Variants in CDH26 observed in about 807,000 individuals in gnomAD.
CDH26 encodes the protein cadherin-like protein 26.
Under a neutral mutation model 90.3 loss-of-function variants are expected in CDH26, and 83 were observed. The ratio of observed to expected loss-of-function variants is 0.92; its 90% CI spans 0.77 to 1.10. The LOEUF (loss-of-function observed/expected upper bound fraction) is 1.10, where lower values mean the gene tolerates loss of function less well. CDH26 is among the 50% of genes least tolerant of loss of function. The probability of loss-of-function intolerance (pLI) is 0.00; values close to 1 mark genes in which losing one functional copy is unlikely to be tolerated. For missense variants in CDH26, 1,013 were observed against 1,037.6 expected (o/e 0.98, Z 0.33); for synonymous variants, 397 against 396.3 (o/e 1.00, Z -0.02).
rs572972446 is a variant in CDH26, at chr20:60,006,791, G to T, written c.2295+4G>T. On this transcript the variant is annotated splice_donor_region_variant and intron_variant, in intron 17 of 17. Coordinates refer to ENST00000348616, the MANE Select transcript of CDH26 (RefSeq NM_177980.4). ...GATGGCAGAGACATTGAATCAGGTA[G>T]GGAGAGCTCCCCTTGTGCTGTGCAC... The T allele has an allele frequency of 1.2e-6, 2 of 1,611,960 alleles. No individual in the cohort carries two copies. Among genetic ancestry groups the T allele is most frequent in the Non-Finnish European group, 8.5e-7 (1 of 1,178,138 alleles).
chr20:59,983,070 G>A lies in CDH26; in HGVS notation c.541G>A (p.Gly181Arg), dbSNP rs6071059. The change falls in exon 5 of 18, where the codon GGG becomes AGG. Residue 181 changes from glycine to arginine, a missense_variant and splice_region_variant. Physicochemically the swap from Gly to Arg is moderately radical, Grantham distance 125 (BLOSUM62 -2). Transcript: ENST00000348616. ...NITVQENQSA[G>R]QPIFQMLAVD... is the part of the protein sequence containing the mutation. ...CACTGTGCAAGAAAACCAATCTGCAGGTGTGTGCGGCTGGGGGGCTGCCGG... is the reference window on the plus strand; with the variant it reads ...CACTGTGCAAGAAAACCAATCTGCAAGTGTGTGCGGCTGGGGGGCTGCCGG... The A allele has an allele frequency of 6.2e-7, 1 of 1,613,850 alleles. No individual in the cohort carries two copies. Among genetic ancestry groups the A allele is most frequent in the Non-Finnish European group, 8.5e-7 (1 of 1,179,860 alleles).
chr20:59,987,436 A>G lies in CDH26; in HGVS notation c.838-17A>G. 1 of 1,596,278 alleles carries G rather than the reference A, an allele frequency of 6.3e-7. No homozygotes were observed. The highest frequency in any genetic ancestry group is 8.5e-7 in the Non-Finnish European group (1 of 1,171,416). ...TTTTTGTTTCCATGACATGGACATG[A>G]TGATTGCTTCTTTCAGTATAAGGTT... On this transcript the variant is annotated splice_polypyrimidine_tract_variant and intron_variant, in intron 7 of 17. Transcript: ENST00000348616.
At chr20:59,996,215 A>T (rs771635782) in intron 12 of CDH26, 161 bp downstream of exon 12, 139 of 967,920 alleles carry the variant, frequency 1.4e-4, no homozygotes, top group Non-Finnish European at 2.0e-4. Flanking sequence ...TGTAGATCAG[A>T]GGTTGCCATG....
intron 17 of CDH26, among the ~76,000 whole-genome samples, chr20:60,010,799 G>T (rs142176540): frequency 1.3e-5 from 2 of 151,740 alleles, no homozygotes; most frequent in African/African-American, 4.9e-5. Flanking sequence ...GGCTTAATGC[G>T]CAGAGCAGGC....
In CDH26 at chr20:60,012,805, T is replaced by C; in HGVS notation, c.*75T>C. 1 of 1,431,868 alleles carries C rather than the reference T, an allele frequency of 7.0e-7. No homozygotes were observed. Among genetic ancestry groups the C allele is most frequent in the Non-Finnish European group, 9.6e-7 (1 of 1,039,846 alleles). 88.7% of individuals were successfully genotyped at this position (1,431,868 alleles called of 1,614,324 possible). ...CTATTCAGGGATTTTTCCCCTTTGCTCTTCTTTTCCCTCCTTAAAAGAAAA... is the reference window on the plus strand; with the variant it reads ...CTATTCAGGGATTTTTCCCCTTTGCCCTTCTTTTCCCTCCTTAAAAGAAAA... On this transcript the variant is annotated 3_prime_UTR_variant, in exon 18 of 18. Transcript: ENST00000348616.
intron 5 of CDH26, among the ~76,000 whole-genome samples, chr20:59,983,290 G>T (rs1334422380): frequency 6.6e-6 from 1 of 152,138 alleles, no homozygotes; most frequent in African/African-American, 2.4e-5. Flanking sequence ...CAGTGGGAAG[G>T]GTTGATATGT....
At chr20:59,970,053 A>G in intron 2 of CDH26, 29 bp from the exon 3 acceptor site, 1 of 1,605,206 alleles carries the variant, frequency 6.2e-7, no homozygotes, top group South Asian at 1.1e-5. Context: ...TGCCATCCTC[A>G]TTGTCACCAG....
intron 1 of CDH26, among the ~76,000 whole-genome samples, chr20:59,967,460 T>A (rs775960847): frequency 6.6e-6 from 1 of 152,244 alleles, no homozygotes; most frequent in Non-Finnish European, 1.5e-5. Flanking sequence ...GCAAGAATCT[T>A]AGTGCTAAAT....
In CDH26 at chr20:59,992,775, CA is replaced by C. The variant is rs546297498; in HGVS notation, c.1426+256del. On this transcript the variant is annotated intron_variant, in intron 10 of 17. Coordinates refer to ENST00000348616, the MANE Select transcript of CDH26 (RefSeq NM_177980.4). This position sits in a 1 kb window ranked among gnomAD's most constrained non-coding sequence, Gnocchi z 5.0. ...GCAAGGAGGCTGCAATCAAACCCAG[CA>C]TCTTTTTCATCTGTTCATGAGCTAA... is the stretch of plus-strand genomic sequence containing the variant. Among the ~76,000 whole-genome samples, 430 of 152,286 alleles carry C rather than the reference CA, an allele frequency of 2.8e-3. 4 individuals are homozygous for C. The highest frequency in any genetic ancestry group is 9.4e-3 in the African/African-American group (391 of 41,558).
intron 1 of CDH26, among the ~76,000 whole-genome samples, chr20:59,959,640 T>A (rs2061042420): frequency 6.6e-6 from 1 of 152,168 alleles, no homozygotes; most frequent in African/African-American, 2.4e-5. Context: ...CCTCAAGTGA[T>A]CTGCCTGCCT....
intron 1 of CDH26, among the ~76,000 whole-genome samples, chr20:59,967,865 CTTT>C (rs2061178786): frequency 2.8e-5 from 3 of 108,206 alleles, no homozygotes; most frequent in Non-Finnish European, 5.1e-5. Context: ...TTCTTTCTTT[CTTT>C]CTTTCTTTCT....
At chr20:60,001,784 C>T (rs546156465) in intron 15 of CDH26, among the ~76,000 whole-genome samples, 7 of 152,296 alleles carry the variant, frequency 4.6e-5, no homozygotes, top group Admixed American at 6.5e-5. Context: ...ATGCTTCCAG[C>T]GAAAGGGAGG....
intron 1 of CDH26, among the ~76,000 whole-genome samples, chr20:59,960,774 C>T (rs1362940290): frequency 2.0e-5 from 3 of 152,206 alleles, no homozygotes; most frequent in African/African-American, 7.2e-5. Context: ...TATGTCCTTG[C>T]CCAGACAAAC....
Position 59,996,700 on chromosome 20 carries a change from A to G in CDH26, c.1958A>G (p.Asn653Ser), listed in dbSNP as rs373321905. The G allele has an allele frequency of 3.0e-5, 49 of 1,614,118 alleles. No homozygotes were observed. The highest frequency in any genetic ancestry group is 1.7e-4 in the Admixed American group (10 of 60,008). The change falls in exon 13 of 18, where the codon AAT (asparagine) becomes AGT (serine). Residue 653 changes from asparagine to serine, a missense_variant. Physicochemically the swap from Asn to Ser is conservative, Grantham distance 46 (BLOSUM62 1). Transcript: ENST00000348616. Reference protein sequence around the residue: ...EPKRHGCSVSNDEGHQTLVMY... With the variant: ...EPKRHGCSVSSDEGHQTLVMY... Reference sequence around the variant, plus strand: ...AAGAGGCATGGATGCTCTGTATCCAATGATGAAGGCCACCAAACACTGGTC... The same window carrying G: ...AAGAGGCATGGATGCTCTGTATCCAGTGATGAAGGCCACCAAACACTGGTC...
rs754724716 is a variant in CDH26, at chr20:59,996,673, C to T, written c.1931C>T (p.Pro644Leu). 6 of 1,614,180 alleles carry T rather than the reference C, an allele frequency of 3.7e-6. No individual in the cohort carries two copies. The highest frequency in any genetic ancestry group is 1.7e-5 in the Admixed American group (1 of 60,020). Residue 644 changes from proline to leucine, a missense_variant, in exon 13 of 18, where the codon CCT (proline) becomes CTT (leucine). Coordinates refer to ENST00000348616, the MANE Select transcript of CDH26 (RefSeq NM_177980.4). Reference sequence around the variant, plus strand: ...TTGCGATGCTATTTTGTGCTTGAACCTAAGAGGCATGGATGCTCTGTATCC... The same window carrying T: ...TTGCGATGCTATTTTGTGCTTGAACTTAAGAGGCATGGATGCTCTGTATCC... The part of the protein sequence containing the change: ...FLLRCYFVLE[P>L]KRHGCSVSND...
intron 4 of CDH26, among the ~76,000 whole-genome samples, chr20:59,980,369 A>C (rs967605424): frequency 2.0e-5 from 3 of 150,906 alleles, no homozygotes; most frequent in Admixed American, 2.0e-4. Flanking sequence ...ATCTCAGTTC[A>C]CTGCAACCTC....
chr20:59,992,605 C>A lies in CDH26; in HGVS notation c.1426+85C>A. 1 of 1,363,978 alleles carries A rather than the reference C, an allele frequency of 7.3e-7. No individual in the cohort carries two copies. The highest frequency in any genetic ancestry group is 1.4e-5 in the African/African-American group (1 of 69,678). 84.5% of individuals were successfully genotyped at this position (1,363,978 alleles called of 1,614,324 possible). On this transcript the variant is annotated intron_variant, in intron 10 of 17. Transcript: ENST00000348616. This position sits in a 1 kb window ranked among gnomAD's most constrained non-coding sequence, Gnocchi z 5.0. ...TAACCCTGGTGAGCGTCTTTCAGCACAGCAGAGAAAAGGATAAAATAAACC... is the reference window on the plus strand; with the variant it reads ...TAACCCTGGTGAGCGTCTTTCAGCAAAGCAGAGAAAAGGATAAAATAAACC...
chr20:59,984,872 T>C lies in CDH26; in HGVS notation c.708+67T>C, dbSNP rs1379407182. The C allele has an allele frequency of 2.5e-6, 4 of 1,569,324 alleles. No homozygotes were observed. In the African/African-American group the frequency reaches 5.5e-5, roughly 21 times the overall value. Reference sequence around the variant, plus strand: ...CCCATCCTTGAGCCCCAGGCTTAGATTCTACATTTGTAGTGGGGAACCCTC... The same window carrying C: ...CCCATCCTTGAGCCCCAGGCTTAGACTCTACATTTGTAGTGGGGAACCCTC... On this transcript the variant is annotated intron_variant, in intron 6 of 17. Coordinates refer to ENST00000348616, the MANE Select transcript of CDH26 (RefSeq NM_177980.4).
chr20:59,987,463 A>G lies in CDH26; in HGVS notation c.848A>G (p.Gln283Arg). 5.6e-6 allele frequency: 9 copies of G among 1,611,284 alleles called. No individual in the cohort carries two copies. Among genetic ancestry groups the G allele is most frequent in the Non-Finnish European group, 7.6e-6 (9 of 1,178,866 alleles). ...PAFTQENYKV[Q>R]IPEGRASQGV... ...GATTGCTTCTTTCAGTATAAGGTTCAGATTCCTGAAGGCCGAGCCAGCCAG... is the reference window on the plus strand; with the variant it reads ...GATTGCTTCTTTCAGTATAAGGTTCGGATTCCTGAAGGCCGAGCCAGCCAG... The change falls in exon 8 of 18, where the codon CAG becomes CGG. Residue 283 changes from glutamine (Q) to arginine (R), a missense_variant. Coordinates refer to ENST00000348616, the MANE Select transcript of CDH26 (RefSeq NM_177980.4).
Sources: gnomAD v4.1 joint callset for allele counts (sites outside exome capture counted in the v4.1 genomes callset) on GRCh38, gnomAD v4.1.1 for gene constraint, Gnocchi (gnomAD v3.1) non-coding constraint, MANE v1.5 for transcripts, NCBI Gene and HGNC (gene_info 2026-07-23, HGNC 2026-07-21) for gene names.